Variants in TDRD12 observed in about 807,000 individuals in gnomAD.
TDRD12 encodes the protein putative ATP-dependent RNA helicase TDRD12.
TDRD12 carries 158 observed loss-of-function variants against 133.5 expected under a neutral mutation model. That is an observed-to-expected ratio of 1.18 (90% CI 1.04 to 1.35). The LOEUF is 1.35. Among genes scored for constraint, TDRD12 ranks in the 40% most tolerant of loss-of-function variants. The pLI is 0.00. For missense variants in TDRD12, 1,443 were observed against 1,321.3 expected, an observed-to-expected ratio of 1.09 and a Z score of -1.43; for synonymous variants, 460 against 477.9, an observed-to-expected ratio of 0.96 and a Z score of 0.49.
In TDRD12 at chr19:32,773,437, GA is replaced by G; in HGVS notation, c.964-15del. On this transcript the variant is annotated intron_variant, in intron 9 of 27. Coordinates refer to ENST00000444215, the Ensembl canonical transcript of TDRD12. ...TGCTAGCATACACATTCTTTCTGAAGAAAAGTTTTCTTTTACAGCGTGTTGA... is the reference window on the plus strand; with the variant it reads ...TGCTAGCATACACATTCTTTCTGAAGAAAGTTTTCTTTTACAGCGTGTTGA... 1 of 1,550,574 alleles carries G rather than the reference GA, an allele frequency of 6.4e-7. No individual in the cohort carries two copies. The highest frequency in any genetic ancestry group is 8.7e-7 in the Non-Finnish European group (1 of 1,146,050).
chr19:32,735,272 A>AT (rs1969190225), intron 2 of TDRD12, among the ~76,000 whole-genome samples: 1 of 140,144 alleles, frequency 7.1e-6, no homozygotes, highest in Admixed American at 7.2e-5. Flanking sequence ...GAACACACAA[A>AT]TGAAAAAAAA....
intron 1 of TDRD12, among the ~76,000 whole-genome samples, chr19:32,721,669 C>A (rs537820565): frequency 2.1e-5 from 3 of 145,624 alleles, no homozygotes; most frequent in Non-Finnish European, 4.5e-5. Context: ...CGTGAGCCAC[C>A]GTGCCTGGCC....
intron 21 of TDRD12, among the ~76,000 whole-genome samples, chr19:32,806,335 G>A (rs1318675759): frequency 2.6e-5 from 3 of 115,904 alleles, no homozygotes; most frequent in African/African-American, 7.8e-5. Context: ...AAAGAAGACC[G>A]AGTTTTTTTT....
At chr19:32,778,393 G>A (rs753996047) in intron 11 of TDRD12, among the ~76,000 whole-genome samples, 7 of 152,202 alleles carry the variant, frequency 4.6e-5, no homozygotes, top group South Asian at 4.2e-4. Flanking sequence ...TGTCACAGTC[G>A]TTATTTTCCT....
chr19:32,820,963 C>A, intron 27 of TDRD12, 70 bp from the exon 28 acceptor site: 1 of 1,281,976 alleles, frequency 7.8e-7, no homozygotes, highest in Non-Finnish European at 1.1e-6. Context: ...TCATTTATTG[C>A]CTGCCTTCCT....
Position 32,815,778 on chromosome 19 carries a change from G to A in TDRD12, c.3314+158G>A, listed in dbSNP as rs1306036042. ...TGGGAGGCCAAGGTGGGCGGCTCAC[G>A]AGGTCAGGAGATCAAGACCATCCTG... On this transcript the variant is annotated intron_variant, in intron 26 of 27. Transcript: ENST00000444215. Among the ~76,000 whole-genome samples the A allele has an allele frequency of 2.6e-5, 4 of 152,158 alleles. No homozygotes were observed. In the South Asian group the frequency reaches 6.2e-4, roughly 24 times the overall value.
downstream of TDRD12, chr19:32,821,323 C>T: frequency 9.8e-6 from 6 of 609,704 alleles, no homozygotes; most frequent in Non-Finnish European, 1.2e-5. Flanking sequence ...TGAGGTCTAA[C>T]TTCCATCCAG....
intron 13 of TDRD12, among the ~76,000 whole-genome samples, chr19:32,793,475 G>A (rs115232788): frequency 0.01 from 1,537 of 152,258 alleles, 18 homozygotes; most frequent in African/African-American, 0.034. Flanking sequence ...AGAGCATGGC[G>A]GGTCCTGACT....
chr19:32,732,564 T>C (rs1969091534), intron 2 of TDRD12, among the ~76,000 whole-genome samples: 1 of 152,186 alleles, frequency 6.6e-6, no homozygotes, highest in Non-Finnish European at 1.5e-5. Context: ...TCAGATGTCT[T>C]TGTTCTCCTT....
intron 8 of TDRD12, among the ~76,000 whole-genome samples, chr19:32,757,461 A>G (rs1310053668): frequency 3.3e-5 from 5 of 152,212 alleles, no homozygotes; most frequent in Non-Finnish European, 7.3e-5. Context: ...AACAGGATGC[A>G]TAAAAATAGG....
chr19:32,777,352 A>G (rs1032022817), intron 11 of TDRD12, 123 bp downstream of exon 11: 15 of 663,842 alleles, frequency 2.3e-5, no homozygotes, highest in African/African-American at 5.5e-5. Context: ...AAATAAATGT[A>G]CAGTATATCT....
Position 32,801,843 on chromosome 19 carries a change from AAGTT to A in TDRD12, c.2169_2172del (p.Leu724ValfsTer8). On this transcript the variant is annotated frameshift_variant, in exon 19 of 28. Coordinates refer to ENST00000444215, the Ensembl canonical transcript of TDRD12. LOFTEE classifies it high-confidence loss of function. ...AAATGTTTTAGAACAGTGGAAGAAG[AAGTT>A]AAGTTCTGGCTCTCAAATTATATTA... The A allele has an allele frequency of 2.1e-6, 3 of 1,447,360 alleles. No homozygotes were observed. Among genetic ancestry groups the A allele is most frequent in the Non-Finnish European group, 2.8e-6 (3 of 1,077,562 alleles). 89.7% of individuals were successfully genotyped at this position (1,447,360 alleles called of 1,614,324 possible).
chr19:32,759,059 T>G (rs1970077338), intron 8 of TDRD12, among the ~76,000 whole-genome samples: 1 of 152,044 alleles, frequency 6.6e-6, no homozygotes, highest in Admixed American at 6.6e-5. Flanking sequence ...CTGGCCAACA[T>G]GGTGAAACCC....
chr19:32,761,361 A>ACT (rs1970145800), intron 8 of TDRD12, among the ~76,000 whole-genome samples: 1 of 152,028 alleles, frequency 6.6e-6, no homozygotes, highest in African/African-American at 2.4e-5. Context: ...CGATCTCCTG[A>ACT]CCTCGTGATC....
intron 10 of TDRD12, among the ~76,000 whole-genome samples, chr19:32,775,977 G>C (rs934666808): frequency 4.6e-5 from 7 of 152,160 alleles, no homozygotes; most frequent in African/African-American, 1.7e-4. Flanking sequence ...CATGAGGTCC[G>C]GCCCTCATGT....
At chr19:32,818,180 TTCC>T in intron 27 of TDRD12, 23 bp downstream of exon 27, 1 of 695,186 alleles carries the variant, frequency 1.4e-6, no homozygotes, top group Non-Finnish European at 2.6e-6. Context: ...ACCACAGAGC[TTCC>T]TCCCAGAATG....
At chr19:32,798,049 C>T (rs11878781) in intron 15 of TDRD12, among the ~76,000 whole-genome samples, 158 bp downstream of exon 15, 2,352 of 152,246 alleles carry the variant, frequency 0.015, 66 homozygotes, top group African/African-American at 0.053. Context: ...TGTCAGCTCC[C>T]GACGGTTTTG....
chr19:32,790,872 A>T lies in TDRD12; in HGVS notation c.1183-92A>T, dbSNP rs1712373329. The T allele has an allele frequency of 6.8e-6, 10 of 1,477,382 alleles. No homozygotes were observed. In the East Asian group the frequency reaches 2.5e-4, roughly 37 times the overall value. 91.5% of individuals were successfully genotyped at this position (1,477,382 alleles called of 1,614,324 possible). ...TATATACCCAGGTGTTTACATTGAA[A>T]TCTATATTTTCTTCATTTCTGTGAA... On this transcript the variant is annotated intron_variant, in intron 12 of 27. Transcript: ENST00000444215.
At chr19:32,748,272 C>T (rs938781109) in intron 4 of TDRD12, among the ~76,000 whole-genome samples, 1 of 152,146 alleles carries the variant, frequency 6.6e-6, no homozygotes, top group African/African-American at 2.4e-5. Context: ...TGCACCGGTG[C>T]AGGTGACAGT....
Sources: gnomAD v4.1 joint callset for allele counts (sites outside exome capture counted in the v4.1 genomes callset) on GRCh38, gnomAD v4.1.1 for gene constraint, MANE v1.5 for transcripts, NCBI Gene and HGNC (gene_info 2026-07-23, HGNC 2026-07-21) for gene names.